The following PTPRK variants were observed in gnomAD, a reference collection of about 807,000 sequenced individuals.
PTPRK encodes protein tyrosine phosphatase receptor type K.
Under a neutral mutation model 178.0 loss-of-function variants are expected in PTPRK, and 75 were observed. The ratio of observed to expected loss-of-function variants is 0.42; its 90% CI spans 0.35 to 0.51. The LOEUF is 0.51. PTPRK is among the 20% of genes least tolerant of loss of function. PTPRK has a pLI of 0.02. For missense variants in PTPRK, 1,441 were observed against 1,797.8 expected, an observed-to-expected ratio of 0.80 and a Z score of 3.59; for synonymous variants, 637 against 620.6, an observed-to-expected ratio of 1.03 and a Z score of -0.39.
At chr6:128,223,731 C>T (rs1474679900) in intron 5 of PTPRK, among the ~76,000 whole-genome samples, 1 of 152,074 alleles carries the variant, frequency 6.6e-6, no homozygotes, top group Admixed American at 6.6e-5. Flanking sequence ...CTCTTATGAA[C>T]TTTTCTGATA....
intron 13 of PTPRK, among the ~76,000 whole-genome samples, chr6:128,036,714 A>C (rs1776280427): frequency 6.6e-6 from 1 of 151,630 alleles, no homozygotes; most frequent in Admixed American, 6.6e-5. Flanking sequence ...AAATAAACGA[A>C]CTGATTTCTT....
intron 3 of PTPRK, among the ~76,000 whole-genome samples, chr6:128,243,044 G>C (rs1007875258): frequency 3.9e-5 from 6 of 152,136 alleles, no homozygotes; most frequent in Non-Finnish European, 8.8e-5. Flanking sequence ...GAATTTTCAA[G>C]GATGAGTGTC....
intron 7 of PTPRK, among the ~76,000 whole-genome samples, chr6:128,143,258 A>C (rs573966495): frequency 5.5e-4 from 83 of 152,234 alleles, no homozygotes; most frequent in Non-Finnish European, 9.7e-4. Flanking sequence ...ACTTTGACTC[A>C]TCCCACATAT....
At chr6:128,439,746 A>G (rs150297421) in intron 1 of PTPRK, among the ~76,000 whole-genome samples, 14 of 152,342 alleles carry the variant, frequency 9.2e-5, no homozygotes, top group African/African-American at 3.1e-4. Context: ...ATAGACTTCT[A>G]AACATCTGAA....
Position 128,089,713 on chromosome 6 carries a change from G to A in PTPRK, c.1442C>T (p.Thr481Ile), listed in dbSNP as rs1362365544. 6.2e-7 allele frequency: 1 copy of A among 1,612,232 alleles called. No homozygotes were observed. Among genetic ancestry groups the A allele is most frequent in the Non-Finnish European group, 8.5e-7 (1 of 1,178,354 alleles). Residue 481 changes from threonine (T) to isoleucine (I), a missense_variant, in exon 8 of 30, where the codon ACA becomes ATA. This residue lies in a region of PTPRK where 945 missense variants were observed against 1,080.6 expected (regional missense o/e 0.87). Coordinates refer to ENST00000368226, the MANE Select transcript of PTPRK (RefSeq NM_002844.4). ...NPEGRKESEE[T>I]IIQTDEDVPG... ...ACCATCTTCATCAGTTTGAATAATT[G>A]TCTCTTCACTCTCCTTCCTTCCCTC...
chr6:128,459,879 T>G (rs1223477948), intron 1 of PTPRK, among the ~76,000 whole-genome samples: 1 of 151,862 alleles, frequency 6.6e-6, no homozygotes, highest in Non-Finnish European at 1.5e-5. Flanking sequence ...CATGGTAGTA[T>G]CTGCTTCTGG....
intron 11 of PTPRK, among the ~76,000 whole-genome samples, chr6:128,078,212 G>A (rs1270606599): frequency 6.6e-6 from 1 of 151,974 alleles, no homozygotes; most frequent in Non-Finnish European, 1.5e-5. Flanking sequence ...GAATGGTTCA[G>A]TGCATGAATA....
At chr6:128,447,927 T>C (rs35801729) in intron 1 of PTPRK, among the ~76,000 whole-genome samples, 39,119 of 152,064 alleles carry the variant, frequency 0.26, 5,508 homozygotes, top group African/African-American at 0.36. Flanking sequence ...CGGCCCATTC[T>C]TCCTAAAGAT....
At chr6:128,422,543 CT>C (rs997450713) in intron 1 of PTPRK, among the ~76,000 whole-genome samples, 2 of 151,926 alleles carry the variant, frequency 1.3e-5, no homozygotes, top group East Asian at 3.9e-4. Flanking sequence ...CCAATATATT[CT>C]TTTTTTCCCT....
At chr6:128,106,298 C>A (rs192258031) in intron 7 of PTPRK, among the ~76,000 whole-genome samples, 1 of 152,014 alleles carries the variant, frequency 6.6e-6, no homozygotes, top group African/African-American at 2.4e-5. Flanking sequence ...TGGGAAGAAT[C>A]GTTTAGTTTT....
At chr6:128,428,171 C>T (rs1187679267) in intron 1 of PTPRK, among the ~76,000 whole-genome samples, 1 of 152,164 alleles carries the variant, frequency 6.6e-6, no homozygotes, top group Non-Finnish European at 1.5e-5. Flanking sequence ...TCTGTGGACA[C>T]TGTGAAATGA....
chr6:127,990,492 A>C (rs547807585), intron 21 of PTPRK, among the ~76,000 whole-genome samples: 2 of 152,166 alleles, frequency 1.3e-5, no homozygotes, highest in African/African-American at 4.8e-5. Flanking sequence ...ATTTTTCTCT[A>C]TATCACTTGT....
chr6:127,973,812 G>C lies in PTPRK; in HGVS notation c.3985C>G (p.Leu1329Val). 1.2e-6 allele frequency: 2 copies of C among 1,612,942 alleles called. No homozygotes were observed. Among genetic ancestry groups the C allele is most frequent in the Middle Eastern group, 1.7e-4 (1 of 6,056 alleles). The change falls in exon 28 of 30, where the codon CTG (leucine) becomes GTG (valine). Residue 1329 changes from leucine (L) to valine (V), a missense_variant. Coordinates refer to ENST00000368226, the MANE Select transcript of PTPRK (RefSeq NM_002844.4). ...CNLTRPQEGY[L>V]MVQQFQYLGW... ...AGGTACTGAAACTGTTGCACCATCA[G>C]ATAACCTTCCTGTGGCTGTAGAGGG... is the stretch of plus-strand genomic sequence containing the variant.
intron 13 of PTPRK, among the ~76,000 whole-genome samples, chr6:128,052,756 T>G (rs1193793644): frequency 6.6e-6 from 1 of 152,190 alleles, no homozygotes; most frequent in Non-Finnish European, 1.5e-5. Flanking sequence ...TGAAACTATG[T>G]AAATACCTGG....
chr6:128,103,006 C>T (rs1789045440), intron 7 of PTPRK, among the ~76,000 whole-genome samples: 1 of 152,192 alleles, frequency 6.6e-6, no homozygotes, highest in South Asian at 2.1e-4. Flanking sequence ...CCTGTTTTTG[C>T]ACCCAAATGT....
chr6:128,361,276 C>T (rs895574286), intron 2 of PTPRK, among the ~76,000 whole-genome samples: 7 of 152,120 alleles, frequency 4.6e-5, no homozygotes, highest in Admixed American at 4.6e-4. Context: ...CAGTTTGTGC[C>T]CATGAATAGT....
At chr6:128,429,321 G>T (rs1202207243) in intron 1 of PTPRK, among the ~76,000 whole-genome samples, 1 of 152,174 alleles carries the variant, frequency 6.6e-6, no homozygotes, top group Non-Finnish European at 1.5e-5. Context: ...GCCTTGCCCT[G>T]CCTCCCTGGT....
At chr6:128,466,378 T>C (rs1309034465) in intron 1 of PTPRK, among the ~76,000 whole-genome samples, 2 of 152,198 alleles carry the variant, frequency 1.3e-5, no homozygotes, top group African/African-American at 4.8e-5. Flanking sequence ...GACAATAGCA[T>C]AGGCAAGAAT....
chr6:128,078,613 T>C (rs1050061304), intron 11 of PTPRK, among the ~76,000 whole-genome samples, 200 bp downstream of exon 11: 1 of 152,044 alleles, frequency 6.6e-6, no homozygotes, highest in African/African-American at 2.4e-5. Context: ...TTCTATTTTA[T>C]TATTAGTTAT....
Sources: gnomAD v4.1 joint callset for allele counts (sites outside exome capture counted in the v4.1 genomes callset) on GRCh38, gnomAD v4.1.1 for gene constraint, gnomAD v4.1.1 regional missense constraint, MANE v1.5 for transcripts, NCBI Gene and HGNC (gene_info 2026-07-23, HGNC 2026-07-21) for gene names.